The following DSCAM variants were observed in gnomAD, a reference collection of about 807,000 sequenced individuals.
DSCAM encodes the protein cell adhesion molecule DSCAM.
A neutral mutation model predicts 217.7 loss-of-function variants in DSCAM; 47 were observed. That is an observed-to-expected ratio of 0.22 (90% confidence interval 0.17 to 0.28). The LOEUF (loss-of-function observed/expected upper bound fraction) is 0.28. Ranked by LOEUF, DSCAM falls within the 10% of genes least tolerant of loss-of-function variation. DSCAM has a pLI of 1.00. For synonymous variants in DSCAM, 1,056 were observed against 1,015.3 expected (o/e 1.04, Z -0.76); for missense variants, 2,080 against 2,618.3 (o/e 0.79, Z 4.49).
chr21:40,636,475 A>G (rs934435032), intron 3 of DSCAM, among the ~76,000 whole-genome samples: 1 of 152,086 alleles, frequency 6.6e-6, no homozygotes, highest in Non-Finnish European at 1.5e-5. Context: ...GTTATATTTG[A>G]TCATCACCAA....
chr21:40,485,328 C>T (rs888944521), intron 3 of DSCAM, among the ~76,000 whole-genome samples: 135 of 151,198 alleles, frequency 8.9e-4, no homozygotes, highest in East Asian at 4.3e-3. Context: ...CTGCAAGCTC[C>T]GCCTCCCAGG....
intron 3 of DSCAM, among the ~76,000 whole-genome samples, chr21:40,429,252 T>G (rs1336259840): frequency 1.3e-5 from 2 of 152,022 alleles, no homozygotes; most frequent in Non-Finnish European, 2.9e-5. Flanking sequence ...GAGGCAGTAT[T>G]GTATCAAGTT....
At chr21:40,741,374 A>T (rs2091122060) in intron 1 of DSCAM, among the ~76,000 whole-genome samples, 1 of 152,202 alleles carries the variant, frequency 6.6e-6, no homozygotes, top group Admixed American at 6.5e-5. Flanking sequence ...GTGAATGCAC[A>T]TGCATGCACT....
chr21:40,517,029 GTATA>G (rs772144832), intron 3 of DSCAM, among the ~76,000 whole-genome samples: 4 of 139,946 alleles, frequency 2.9e-5, no homozygotes, highest in South Asian at 4.5e-4. Flanking sequence ...ACTAACATAT[GTATA>G]TATATATATA....
rs564686530 is a variant in DSCAM at position 40,465,158 on chromosome 21, C to T, written c.509-95913G>A. On this transcript the variant is annotated intron_variant, in intron 3 of 32. Coordinates refer to ENST00000400454, the MANE Select transcript of DSCAM (RefSeq NM_001389.5). ...CCCTTCATGTACATATAAGATCTTG[C>T]AAGATCTGGCATCAGTGTGTCTCTT... is the stretch of plus-strand genomic sequence containing the variant. Among the ~76,000 whole-genome samples, 120 of 152,262 alleles carry T rather than the reference C, an allele frequency of 7.9e-4. 2 individuals carry two copies. In the South Asian group the frequency reaches 0.018, roughly 22 times the overall value.
intron 8 of DSCAM, among the ~76,000 whole-genome samples, chr21:40,316,390 C>G (rs1229848544): frequency 6.6e-6 from 1 of 152,168 alleles, no homozygotes; most frequent in Admixed American, 6.5e-5. Flanking sequence ...TGCAAGTCTG[C>G]TGCATACAAA....
chr21:40,503,629 A>G (rs914486729), intron 3 of DSCAM, among the ~76,000 whole-genome samples: 1 of 152,188 alleles, frequency 6.6e-6, no homozygotes, highest in Admixed American at 6.5e-5. Context: ...TCAGGTAGCT[A>G]CAAGAACTCT....
chr21:40,734,641 C>G (rs1212129217), intron 1 of DSCAM, among the ~76,000 whole-genome samples: 1 of 152,210 alleles, frequency 6.6e-6, no homozygotes, highest in Admixed American at 6.5e-5. Context: ...ATAATGTTTA[C>G]CAAGCAGCCT....
chr21:40,160,078 A>G (rs1189777575), intron 16 of DSCAM, among the ~76,000 whole-genome samples: 1 of 152,202 alleles, frequency 6.6e-6, no homozygotes, highest in African/African-American at 2.4e-5. Flanking sequence ...CACCTTATGG[A>G]TTCCAGAGTG....
chr21:40,205,527 C>G (rs368300650), intron 11 of DSCAM, among the ~76,000 whole-genome samples: 2 of 150,478 alleles, frequency 1.3e-5, no homozygotes, highest in African/African-American at 2.5e-5. Flanking sequence ...CGCTTAAACC[C>G]GGGAGATGGA....
chr21:40,068,207 T>G (rs1054974619), intron 27 of DSCAM, among the ~76,000 whole-genome samples: 2 of 152,100 alleles, frequency 1.3e-5, no homozygotes, highest in African/African-American at 4.8e-5. Context: ...GGCTAAAAAA[T>G]GATGGCTGAA....
Position 40,562,283 on chromosome 21 carries a change from G to A in DSCAM, c.508+130527C>T, listed in dbSNP as rs140479852. 1.7e-3 allele frequency among the ~76,000 whole-genome samples: 252 copies of A among 152,258 alleles called. 2 individuals are homozygous for A. The highest frequency in any genetic ancestry group is 5.7e-3 in the African/African-American group (235 of 41,538). ...CACGAGATCTGATGGTTTTATAAAT[G>A]TTAGTTTTTCCCAGACTCTCACATG... On this transcript the variant is annotated intron_variant, in intron 3 of 32. Transcript: ENST00000400454.
At chr21:40,270,641 G>A (rs1439906334) in intron 11 of DSCAM, among the ~76,000 whole-genome samples, 2 of 152,186 alleles carry the variant, frequency 1.3e-5, no homozygotes, top group Non-Finnish European at 2.9e-5. Flanking sequence ...TTCCAGTGTT[G>A]GAAGAGGGGC....
Position 40,085,731 on chromosome 21 carries a change from G to T in DSCAM, c.4003C>A (p.Arg1335=), listed in dbSNP as rs752819720. ...GTPSLVTIDG[R]RSIFSNGSFI... ...CTTCCGTTGCTAAAGATGCTCCTCC[G>T]CCCATCAATCGTTACTAGACTGGGT... The change falls in exon 23 of 33, where the codon CGG becomes AGG. Residue 1335 remains arginine (R), a synonymous_variant. Coordinates refer to ENST00000400454, the MANE Select transcript of DSCAM (RefSeq NM_001389.5). 6.3e-7 allele frequency: 1 copy of T among 1,577,592 alleles called. No homozygotes were observed. The highest frequency in any genetic ancestry group is 8.7e-7 in the Non-Finnish European group (1 of 1,152,658).
chr21:40,662,159 T>C (rs2090145633), intron 3 of DSCAM, among the ~76,000 whole-genome samples: 1 of 152,066 alleles, frequency 6.6e-6, no homozygotes, highest in Non-Finnish European at 1.5e-5. Flanking sequence ...CACAACACTG[T>C]GAAAAGACAG....
At chr21:40,591,288 A>C (rs61571305) in intron 3 of DSCAM, among the ~76,000 whole-genome samples, 7,461 of 152,264 alleles carry the variant, frequency 0.049, 545 homozygotes, top group African/African-American at 0.16. Context: ...CTGGAAACAG[A>C]ATAATACACT....
At chr21:40,262,593 C>T in intron 11 of DSCAM, among the ~76,000 whole-genome samples, 1 of 152,206 alleles carries the variant, frequency 6.6e-6, no homozygotes. Flanking sequence ...TCCCCCAAAT[C>T]ACCTAACACA....
At chr21:40,790,655 T>C (rs1396141955) in intron 1 of DSCAM, among the ~76,000 whole-genome samples, 1 of 152,184 alleles carries the variant, frequency 6.6e-6, no homozygotes, top group Non-Finnish European at 1.5e-5. Context: ...TGTGTGCACA[T>C]GTGTATGTGA....
At chr21:40,695,317 G>A (rs948578170) in intron 2 of DSCAM, among the ~76,000 whole-genome samples, 5 of 151,862 alleles carry the variant, frequency 3.3e-5, no homozygotes, top group South Asian at 2.1e-4. Context: ...GTGACTGACC[G>A]GGGACATTCC....
Sources: allele counts gnomAD v4.1 joint callset (sites outside exome capture counted in the v4.1 genomes callset), GRCh38; gene constraint gnomAD v4.1.1; transcripts MANE v1.5; gene names NCBI Gene and HGNC (gene_info 2026-07-23, HGNC 2026-07-21).